Variants in CHRM3 observed in about 807,000 individuals in gnomAD.
The protein encoded by CHRM3 is cholinergic receptor muscarinic 3, also known as muscarinic acetylcholine receptor M3.
Under a neutral mutation model 41.8 loss-of-function variants are expected in CHRM3, and 11 were observed. The observed-to-expected ratio is 0.26, with a 90% confidence interval of 0.17 to 0.44. CHRM3 has a LOEUF of 0.44. Among genes scored for constraint, CHRM3 ranks in the 20% least tolerant of loss-of-function variants. The pLI, the probability that CHRM3 is intolerant of heterozygous loss-of-function variation, is 1.00. For missense variants in CHRM3, 571 were observed against 745.4 expected (o/e 0.77, Z 2.72); for synonymous variants, 297 against 301.4 (o/e 0.99, Z 0.15).
Position 239,616,797 on chromosome 1 carries a change from A to G in CHRM3, c.-312-15427A>G, listed in dbSNP as rs141964998. 2.8e-4 allele frequency among the ~76,000 whole-genome samples: 41 copies of G among 147,960 alleles called. 1 individual carries two copies. In the East Asian group the frequency reaches 8.0e-3, roughly 29 times the overall value. Reference sequence around the variant, plus strand: ...TAAGAATGTCATGGCTACATTTCAAAATGTGGTATTTGAAGACAGGTGTTT... The same window carrying G: ...TAAGAATGTCATGGCTACATTTCAAGATGTGGTATTTGAAGACAGGTGTTT... On this transcript the variant is annotated intron_variant, in intron 3 of 6. Coordinates refer to ENST00000676153, the MANE Select transcript of CHRM3 (RefSeq NM_001375978.1).
chr1:239,602,715 A>C (rs1303983214), intron 3 of CHRM3, among the ~76,000 whole-genome samples: 2 of 152,282 alleles, frequency 1.3e-5, no homozygotes, highest in East Asian at 1.9e-4. Flanking sequence ...GAAATGTTGC[A>C]TGTGTGTTTA....
intron 2 of CHRM3, among the ~76,000 whole-genome samples, chr1:239,529,960 C>G (rs997160474): frequency 6.6e-6 from 1 of 152,076 alleles, no homozygotes; most frequent in East Asian, 1.9e-4. Context: ...TGCAGTGGCG[C>G]GATCTCGGCT....
At chr1:239,508,970 A>C (rs2148186068) in intron 2 of CHRM3, among the ~76,000 whole-genome samples, 1 of 152,326 alleles carries the variant, frequency 6.6e-6, no homozygotes, top group African/African-American at 2.4e-5. Flanking sequence ...TTTAGAAACA[A>C]CTGTTCCAAA....
chr1:239,655,133 G>T (rs1028328238), intron 4 of CHRM3, among the ~76,000 whole-genome samples: 1 of 152,172 alleles, frequency 6.6e-6, no homozygotes, highest in Admixed American at 6.5e-5. Context: ...CTATTCATGT[G>T]TCATACTCTG....
intron 2 of CHRM3, among the ~76,000 whole-genome samples, chr1:239,534,469 G>A (rs917096681): frequency 4.6e-5 from 7 of 152,148 alleles, no homozygotes; most frequent in Admixed American, 2.6e-4. Context: ...GATATGGATC[G>A]CTGGCTAAGT....
intron 5 of CHRM3, among the ~76,000 whole-genome samples, chr1:239,799,962 A>G (rs1670084774): frequency 2.0e-5 from 3 of 152,160 alleles, no homozygotes; most frequent in Non-Finnish European, 4.4e-5. Context: ...ACTGTTTGTT[A>G]TTATTCTATT....
chr1:239,848,441 A>G (rs1674447890), intron 6 of CHRM3, among the ~76,000 whole-genome samples: 1 of 152,152 alleles, frequency 6.6e-6, no homozygotes, highest in East Asian at 1.9e-4. Flanking sequence ...TATGATTTTA[A>G]TGATCCCCAA....
intron 3 of CHRM3, among the ~76,000 whole-genome samples, chr1:239,579,608 T>C (rs563859673): frequency 6.6e-6 from 1 of 152,224 alleles, no homozygotes; most frequent in South Asian, 2.1e-4. Context: ...GGGCTTAGGG[T>C]TCACCTTAGC....
chr1:239,412,939 A>C (rs539928377), intron 1 of CHRM3, among the ~76,000 whole-genome samples: 149 of 151,956 alleles, frequency 9.8e-4, no homozygotes, highest in Admixed American at 1.5e-3. Context: ...TTAGCTGGGC[A>C]TGGTGGCGCA....
chr1:239,423,402 T>C (rs1249810690), intron 1 of CHRM3, among the ~76,000 whole-genome samples: 1 of 152,198 alleles, frequency 6.6e-6, no homozygotes, highest in Non-Finnish European at 1.5e-5. Context: ...CCACCTGGAT[T>C]CCATTTATCC....
chr1:239,613,184 G>A (rs1391783776), intron 3 of CHRM3, among the ~76,000 whole-genome samples: 2 of 152,176 alleles, frequency 1.3e-5, no homozygotes, highest in African/African-American at 2.4e-5. Context: ...AAGAGATGAT[G>A]TGATGTTTCA....
At chr1:239,568,945 C>T (rs1267192111) in intron 3 of CHRM3, among the ~76,000 whole-genome samples, 1 of 152,178 alleles carries the variant, frequency 6.6e-6, no homozygotes, top group Admixed American at 6.6e-5. Flanking sequence ...ATGCCTACCT[C>T]TCAATATCTC....
At chr1:239,522,414 C>T (rs930306202) in intron 2 of CHRM3, among the ~76,000 whole-genome samples, 3 of 152,210 alleles carry the variant, frequency 2.0e-5, no homozygotes, top group Non-Finnish European at 2.9e-5. Flanking sequence ...TCGTCCGGGT[C>T]TAGCCAACAT....
intron 1 of CHRM3, among the ~76,000 whole-genome samples, chr1:239,468,320 G>T (rs1308493512): frequency 1.3e-5 from 2 of 152,164 alleles, no homozygotes; most frequent in Non-Finnish European, 2.9e-5. Flanking sequence ...AAAATAAAGA[G>T]ATGTCCTCAT....
chr1:239,774,881 G>T (rs909244175), intron 5 of CHRM3, among the ~76,000 whole-genome samples: 2 of 152,170 alleles, frequency 1.3e-5, no homozygotes, highest in African/African-American at 4.8e-5. Context: ...GGAAAAATTT[G>T]AGGGAAGGGG....
intron 4 of CHRM3, among the ~76,000 whole-genome samples, chr1:239,637,659 C>T (rs1670622931): frequency 6.7e-6 from 1 of 149,910 alleles, no homozygotes; most frequent in South Asian, 2.1e-4. Context: ...CGTGGGGTTG[C>T]CAAATCCCAT....
At chr1:239,436,942 C>G (rs1029970047) in intron 1 of CHRM3, among the ~76,000 whole-genome samples, 3 of 152,176 alleles carry the variant, frequency 2.0e-5, no homozygotes, top group African/African-American at 7.2e-5. Flanking sequence ...GTGAGGTGAT[C>G]TCTCGTGGGA....
At chr1:239,834,174 ACACACACACACACACT>A (rs1673112093) in intron 6 of CHRM3, among the ~76,000 whole-genome samples, 1 of 151,378 alleles carries the variant, frequency 6.6e-6, no homozygotes, top group Non-Finnish European at 1.5e-5. Flanking sequence ...ACACACACAC[ACACACACACACACACT>A]GGGGAGGACA....
rs1008334712 is a variant in CHRM3 at position 239,615,289 on chromosome 1, G to A, written c.-312-16935G>A. On this transcript the variant is annotated intron_variant, in intron 3 of 6. Coordinates refer to ENST00000676153, the MANE Select transcript of CHRM3 (RefSeq NM_001375978.1). ...CTCTATTTTATAAGAACTGAGAATCGCTTAGATCTAAGATCCAAGCAGCTT... is the reference window on the plus strand; with the variant it reads ...CTCTATTTTATAAGAACTGAGAATCACTTAGATCTAAGATCCAAGCAGCTT... Among the ~76,000 whole-genome samples, 4 of 152,164 alleles carry A rather than the reference G, an allele frequency of 2.6e-5. No homozygotes were observed. The East Asian group carries it at 5.8e-4, about 22-fold the overall frequency.
Sources: gnomAD v4.1 joint callset for allele counts (sites outside exome capture counted in the v4.1 genomes callset) on GRCh38, gnomAD v4.1.1 for gene constraint, MANE v1.5 for transcripts, NCBI Gene and HGNC (gene_info 2026-07-23, HGNC 2026-07-21) for gene names.